NREP: variants seen among roughly 807,000 people sequenced by gnomAD.
NREP encodes the protein neuronal regeneration-related protein.
In NREP, 5 loss-of-function variants were observed where a neutral mutation model predicts 8.6. That is an observed-to-expected ratio of 0.58 (90% confidence interval 0.30 to 1.22). The LOEUF is 1.22. Ranked by LOEUF, NREP falls within the 50% of genes most tolerant of loss-of-function variation. The pLI is 0.07. For synonymous variants in NREP, 27 were observed against 28.0 expected (o/e 0.96, Z 0.11); for missense variants, 86 against 82.5 (o/e 1.04, Z -0.17).
rs1748419466 is a variant in NREP, at chr5:111,730,132, GT to G, written c.*788del. The G allele has an allele frequency of 6.6e-6, 1 of 152,516 alleles. No homozygotes were observed. Among genetic ancestry groups the G allele is most frequent in the Non-Finnish European group, 1.5e-5 (1 of 68,034 alleles). The allele number at this position is 152,516 out of a possible 1,614,324, so 9.4% of individuals were successfully genotyped here. On this transcript the variant is annotated 3_prime_UTR_variant, in exon 4 of 4. Coordinates refer to ENST00000257435, the MANE Select transcript of NREP (RefSeq NM_004772.4). ...ATTGCTCCCGCTACCGTGACTGCATGTCCGTGAGCGCCAGCCAACGAGACAA... is the reference window on the plus strand; with the variant it reads ...ATTGCTCCCGCTACCGTGACTGCATGCCGTGAGCGCCAGCCAACGAGACAA...
chr5:111,764,151 T>G (rs1751027598), intron 2 of NREP, among the ~76,000 whole-genome samples: 1 of 152,152 alleles, frequency 6.6e-6, no homozygotes, highest in East Asian at 1.9e-4. Flanking sequence ...CCTCAGAACT[T>G]AGGATTCAAT....
chr5:111,829,540 C>T (rs1752712900), intron 2 of NREP, among the ~76,000 whole-genome samples: 1 of 152,196 alleles, frequency 6.6e-6, no homozygotes, highest in Non-Finnish European at 1.5e-5. Context: ...AGGTTTTTGA[C>T]CTTTGATTCC....
At chr5:111,852,764 T>C (rs1753341265) in intron 2 of NREP, among the ~76,000 whole-genome samples, 1 of 152,104 alleles carries the variant, frequency 6.6e-6, no homozygotes, top group Non-Finnish European at 1.5e-5. Flanking sequence ...TTTTGGAGTG[T>C]ACAAGCAGGA....
intron 2 of NREP, among the ~76,000 whole-genome samples, chr5:111,883,453 C>G (rs1350905626): frequency 6.6e-6 from 1 of 152,162 alleles, no homozygotes; most frequent in Admixed American, 6.5e-5. Flanking sequence ...GAATTGAACT[C>G]AGCTCTGCAC....
At chr5:111,756,146 T>A in intron 1 of NREP, 1 of 1,067,300 alleles carries the variant, frequency 9.4e-7, no homozygotes, top group Non-Finnish European at 1.1e-6. Flanking sequence ...AAATAGATTG[T>A]TTTCTGGCTG....
chr5:111,844,538 G>C (rs1489062489), intron 2 of NREP, among the ~76,000 whole-genome samples: 3 of 150,614 alleles, frequency 2.0e-5, no homozygotes, highest in Admixed American at 6.6e-5. Context: ...TATTTAATAG[G>C]AAATACAGAG....
At chr5:111,922,455 G>A (rs765026952) in intron 2 of NREP, among the ~76,000 whole-genome samples, 12 of 152,084 alleles carry the variant, frequency 7.9e-5, no homozygotes, top group Non-Finnish European at 1.5e-4. Flanking sequence ...GTTAGTGAAC[G>A]TATCCACTGA....
upstream of NREP, chr5:111,758,081 C>G (rs930083180): frequency 1.0e-6 from 1 of 985,516 alleles, no homozygotes; most frequent in Non-Finnish European, 1.2e-6. Flanking sequence ...AAAGAGTCCG[C>G]GAAGGATGCA....
At chr5:111,935,290 C>A (rs1755651997) in intron 2 of NREP, among the ~76,000 whole-genome samples, 1 of 152,010 alleles carries the variant, frequency 6.6e-6, no homozygotes, top group South Asian at 2.1e-4. Context: ...GCAGATAGGA[C>A]CTTACACAAT....
intron 2 of NREP, among the ~76,000 whole-genome samples, chr5:111,965,312 C>T (rs1756613013): frequency 6.6e-6 from 1 of 152,066 alleles, no homozygotes; most frequent in Admixed American, 6.6e-5. Context: ...TTCATCTAAG[C>T]CAATTAAAAT....
In NREP at chr5:111,891,509, C is replaced by T. The variant is rs143615280; in HGVS notation, c.135+83765G>A. On this transcript the variant is annotated intron_variant, in intron 2 of 3. Transcript: ENST00000395634. ...TCCATATTTTCAGATATCTGTATAG[C>T]GATGCCCCACTCCTCAATACCAATT... Among the ~76,000 whole-genome samples, 433 of 152,282 alleles carry T rather than the reference C, an allele frequency of 2.8e-3. 4 individuals are homozygous for T. The highest frequency in any genetic ancestry group is 9.7e-3 in the African/African-American group (403 of 41,554).
intron 2 of NREP, among the ~76,000 whole-genome samples, chr5:111,975,022 G>T (rs1756921985): frequency 6.6e-6 from 1 of 152,224 alleles, no homozygotes; most frequent in Non-Finnish European, 1.5e-5. Context: ...AGGGACTTGG[G>T]ATGGATGCTA....
upstream of NREP, among the ~76,000 whole-genome samples, chr5:111,759,421 CTT>C (rs56847446): frequency 6.2e-5 from 9 of 144,872 alleles, no homozygotes; most frequent in East Asian, 2.0e-4. Flanking sequence ...TTCTTTCTTT[CTT>C]TTTTTTTTTT....
At chr5:111,956,651 T>C (rs543708211) in intron 2 of NREP, among the ~76,000 whole-genome samples, 11 of 152,226 alleles carry the variant, frequency 7.2e-5, no homozygotes, top group Admixed American at 1.3e-4. Flanking sequence ...GAAGTAAAGA[T>C]GTGGGTCTTC....
intron 2 of NREP, among the ~76,000 whole-genome samples, chr5:111,850,956 T>G (rs1006969855): frequency 2.0e-5 from 3 of 152,172 alleles, no homozygotes; most frequent in Non-Finnish European, 4.4e-5. Context: ...GAAGCTTAAA[T>G]AGTGGCATGT....
intron 2 of NREP, among the ~76,000 whole-genome samples, chr5:111,900,782 A>C (rs1754628772): frequency 6.6e-6 from 1 of 152,118 alleles, no homozygotes; most frequent in Non-Finnish European, 1.5e-5. Flanking sequence ...GTCTCCTAAC[A>C]AGGAAAGTCC....
At chr5:111,877,343 C>T (rs1377470084) in intron 2 of NREP, among the ~76,000 whole-genome samples, 2 of 152,210 alleles carry the variant, frequency 1.3e-5, no homozygotes, top group Non-Finnish European at 2.9e-5. Context: ...AAACCAATAT[C>T]ATGTTATTCA....
At chr5:111,895,491 C>T (rs886089352) in intron 2 of NREP, among the ~76,000 whole-genome samples, 10 of 152,016 alleles carry the variant, frequency 6.6e-5, no homozygotes, top group Non-Finnish European at 1.3e-4. Flanking sequence ...TGATAGAGAA[C>T]CCCTGGGATG....
chr5:111,862,263 T>C (rs17133824), intron 2 of NREP, among the ~76,000 whole-genome samples: 10,574 of 152,204 alleles, frequency 0.069, 874 homozygotes, highest in East Asian at 0.24. Flanking sequence ...ATTTCTCCAA[T>C]AGTAGGTAGA....
Sources: gnomAD v4.1 joint callset for allele counts (sites outside exome capture counted in the v4.1 genomes callset) on GRCh38, gnomAD v4.1.1 for gene constraint, MANE v1.5 for transcripts, NCBI Gene and HGNC (gene_info 2026-07-23, HGNC 2026-07-21) for gene names.